The following ST3GAL3 variants were observed in gnomAD, a reference collection of about 807,000 sequenced individuals.
The protein encoded by ST3GAL3 is ST3 beta-galactoside alpha-2,3-sialyltransferase 3, also known as CMP-N-acetylneuraminate-beta-1,4-galactoside alpha-2,3-sialyltransferase.
ST3GAL3 carries 21 observed loss-of-function variants against 50.1 expected under a neutral mutation model. The ratio of observed to expected loss-of-function variants is 0.42; its 90% CI spans 0.30 to 0.60. The LOEUF is 0.60. Ranked by LOEUF, ST3GAL3 falls within the 20% of genes least tolerant of loss-of-function variation. ST3GAL3 has a pLI of 0.19. For synonymous variants in ST3GAL3, 183 were observed against 190.0 expected (o/e 0.96, Z 0.30); for missense variants, 353 against 489.4 (o/e 0.72, Z 2.63).
chr1:43,798,469 A>G (rs1558344404), intron 3 of ST3GAL3, among the ~76,000 whole-genome samples: 1 of 152,000 alleles, frequency 6.6e-6, no homozygotes, highest in Non-Finnish European at 1.5e-5. Context: ...CACTGCCCTC[A>G]CGCTACATTG....
At chr1:43,818,273 C>A (rs574194798) in intron 4 of ST3GAL3, among the ~76,000 whole-genome samples, 1 of 152,272 alleles carries the variant, frequency 6.6e-6, no homozygotes, top group South Asian at 2.1e-4. Context: ...ATTAATAAAC[C>A]TACACCCCCA....
At chr1:43,895,421 T>C (rs1232371363) in intron 6 of ST3GAL3, among the ~76,000 whole-genome samples, 1 of 152,180 alleles carries the variant, frequency 6.6e-6, no homozygotes, top group Non-Finnish European at 1.5e-5. Context: ...TGGTGGAAAA[T>C]AATCTGGACT....
Position 43,899,215 on chromosome 1 carries a change from C to T in ST3GAL3, c.509C>T (p.Ala170Val). ...ATCGTGGGCAATGGAGGCGTTCTTG[C>T]CAACAAGTCTCTGGGGTCACGAATT... is the stretch of plus-strand genomic sequence containing the variant. ...CIIVGNGGVL[A>V]NKSLGSRIDD... is the part of the protein sequence containing the mutation. Residue 170 changes from alanine (A) to valine (V), a missense_variant, in exon 8 of 12, where the codon GCC becomes GTC. Coordinates refer to ENST00000347631, the MANE Select transcript of ST3GAL3 (RefSeq NM_006279.5). This position sits in a 1 kb window ranked among gnomAD's most constrained non-coding sequence, Gnocchi z 5.4. The T allele has an allele frequency of 6.2e-7, 1 of 1,614,180 alleles. No homozygotes were observed.
chr1:43,789,225 A>G (rs1183231087), intron 2 of ST3GAL3, among the ~76,000 whole-genome samples: 3 of 152,142 alleles, frequency 2.0e-5, no homozygotes, highest in African/African-American at 7.2e-5. Flanking sequence ...TTGGAGGCAG[A>G]GGTGTGTTTT....
intron 4 of ST3GAL3, among the ~76,000 whole-genome samples, chr1:43,822,751 T>A (rs919068602): frequency 1.3e-5 from 2 of 152,192 alleles, no homozygotes; most frequent in Non-Finnish European, 2.9e-5. Context: ...GTATCATGGC[T>A]TTAAATATCA....
chr1:43,887,999 G>A (rs150244437), intron 5 of ST3GAL3, among the ~76,000 whole-genome samples: 1 of 152,148 alleles, frequency 6.6e-6, no homozygotes, highest in East Asian at 1.9e-4. Flanking sequence ...CATGTTGAGG[G>A]AACAGTCTTT....
chr1:43,767,804 C>A (rs1693651772), intron 2 of ST3GAL3, among the ~76,000 whole-genome samples: 1 of 146,632 alleles, frequency 6.8e-6, no homozygotes, highest in African/African-American at 2.5e-5. Context: ...GCACATGTAT[C>A]CCAGAACTTA....
At chr1:43,925,224 C>T (rs2083704612) in intron 11 of ST3GAL3, among the ~76,000 whole-genome samples, 1 of 139,090 alleles carries the variant, frequency 7.2e-6, no homozygotes, top group Admixed American at 8.4e-5. Context: ...CAGGAGGGCT[C>T]AAGTGGAGAT....
chr1:43,862,045 AAGAG>A (rs1297198955), intron 5 of ST3GAL3, among the ~76,000 whole-genome samples: 7 of 151,536 alleles, frequency 4.6e-5, no homozygotes, highest in African/African-American at 1.2e-4. Flanking sequence ...AAAAAAAAAA[AAGAG>A]AGACAACTAC....
Position 43,781,438 on chromosome 1 carries a change from C to T in ST3GAL3, c.119-10664C>T, listed in dbSNP as rs58601948. Among the ~76,000 whole-genome samples the T allele has an allele frequency of 9.5e-3, 1,437 of 151,956 alleles. 19 individuals carry two copies. Among genetic ancestry groups the T allele is most frequent in the African/African-American group, 0.033 (1,375 of 41,418 alleles). ...CAGCCTGGGCAACATGGTGAAACCC[C>T]CACTCTACTAAAAACACAAAAAATT... On this transcript the variant is annotated intron_variant, in intron 2 of 11. Coordinates refer to ENST00000347631, the MANE Select transcript of ST3GAL3 (RefSeq NM_006279.5).
chr1:43,800,713 G>A (rs1200538356), intron 3 of ST3GAL3, among the ~76,000 whole-genome samples: 2 of 152,288 alleles, frequency 1.3e-5, no homozygotes, highest in East Asian at 3.9e-4. Flanking sequence ...TCATGGGGCT[G>A]TATAGGTGAC....
chr1:43,742,381 A>G (rs1233660727), intron 2 of ST3GAL3, among the ~76,000 whole-genome samples: 1 of 151,966 alleles, frequency 6.6e-6, no homozygotes, highest in Non-Finnish European at 1.5e-5. Flanking sequence ...AAGAGAGGTC[A>G]AAAATGCCAT....
intron 4 of ST3GAL3, among the ~76,000 whole-genome samples, chr1:43,834,747 G>A (rs1158587969): frequency 3.3e-5 from 5 of 152,150 alleles, no homozygotes; most frequent in Non-Finnish European, 5.9e-5. Context: ...GCAGCCACGC[G>A]TGTCACACAG....
chr1:43,844,751 C>G (rs376910708), intron 5 of ST3GAL3, among the ~76,000 whole-genome samples: 1 of 151,580 alleles, frequency 6.6e-6, no homozygotes, highest in African/African-American at 2.4e-5. Flanking sequence ...GGCGTGAACC[C>G]GGGAGGCAGA....
rs180743661 is a variant in ST3GAL3, at chr1:43,929,879, C to T, written c.1039-253C>T. The T allele has an allele frequency of 3.0e-4, 166 of 556,486 alleles. 2 individuals are homozygous for T. The highest frequency in any genetic ancestry group is 1.6e-3 in the South Asian group (90 of 57,684). 34.5% of individuals were successfully genotyped at this position (556,486 alleles called of 1,614,324 possible). A position where few individuals can be genotyped will look rare whatever the true frequency, so the allele number is the denominator to read the frequency against. Reference sequence around the variant, plus strand: ...TGAGGAGGGAGGTTGGGAAGCTTAACGGTTTTCCTGGGACGAGGAAAGGGG... The same window carrying T: ...TGAGGAGGGAGGTTGGGAAGCTTAATGGTTTTCCTGGGACGAGGAAAGGGG... On this transcript the variant is annotated intron_variant, in intron 11 of 11. Coordinates refer to ENST00000347631, the MANE Select transcript of ST3GAL3 (RefSeq NM_006279.5).
chr1:43,751,863 A>C (rs894451858), intron 2 of ST3GAL3, among the ~76,000 whole-genome samples: 2 of 151,890 alleles, frequency 1.3e-5, no homozygotes, highest in Admixed American at 1.3e-4. Context: ...CTCGTCACCC[A>C]GGCTGGAGTG....
chr1:43,767,625 T>A (rs144882450), intron 2 of ST3GAL3, among the ~76,000 whole-genome samples: 301 of 141,336 alleles, frequency 2.1e-3, no homozygotes, highest in Middle Eastern at 4.1e-3. Context: ...GAAAAAATCA[T>A]GGGAAGTAGA....
At chr1:43,874,165 A>C (rs1160151467) in intron 5 of ST3GAL3, among the ~76,000 whole-genome samples, 1 of 152,226 alleles carries the variant, frequency 6.6e-6, no homozygotes, top group East Asian at 1.9e-4. Context: ...TTGAGAGTGA[A>C]AATGGACAAG....
intron 5 of ST3GAL3, among the ~76,000 whole-genome samples, chr1:43,864,859 A>G (rs1429328424): frequency 2.6e-5 from 4 of 152,116 alleles, no homozygotes. Flanking sequence ...AACATAGGAA[A>G]CACAGGGAGA....
Sources: gnomAD v4.1 joint callset for allele counts (sites outside exome capture counted in the v4.1 genomes callset) on GRCh38, gnomAD v4.1.1 for gene constraint, Gnocchi (gnomAD v3.1) non-coding constraint, MANE v1.5 for transcripts, NCBI Gene and HGNC (gene_info 2026-07-23, HGNC 2026-07-21) for gene names.